Variants in NCR2 observed in about 807,000 individuals in gnomAD.
The protein encoded by NCR2 is NK cell activating receptor (NKp44).
NCR2 carries 35 observed loss-of-function variants against 30.7 expected under a neutral mutation model. That is an observed-to-expected ratio of 1.14 (90% CI 0.87 to 1.51). The LOEUF is 1.51. Among genes scored for constraint, NCR2 ranks in the 40% most tolerant of loss-of-function variants. NCR2 has a pLI of 0.00. For synonymous variants in NCR2, 146 were observed against 134.8 expected (o/e 1.08, Z -0.58); for missense variants, 316 against 328.9 (o/e 0.96, Z 0.30).
Position 41,335,906 on chromosome 6 carries a change from A to ACTG in NCR2, c.43_45dup (p.Leu15dup), listed in dbSNP as rs770304659. On this transcript the variant is annotated inframe_insertion, in exon 1 of 5. Transcript: ENST00000373089. ...CCTGGCGAGCCCTACACCCACTGCT[A>ACTG]CTGCTGCTGCTGCTGTTCCCAGGTG... 6 of 1,570,418 alleles carry ACTG rather than the reference A, an allele frequency of 3.8e-6. No individual in the cohort carries two copies. In the African/African-American group the frequency reaches 4.1e-5, roughly 11 times the overall value.
intron 4 of NCR2, among the ~76,000 whole-genome samples, chr6:41,345,993 G>A (rs1769290619): frequency 6.6e-6 from 1 of 152,078 alleles, no homozygotes; most frequent in African/African-American, 2.4e-5. Flanking sequence ...AGTGTCCTCT[G>A]TGCCCCTCAC....
At chr6:41,336,577 A>C in intron 2 of NCR2, 149 bp downstream of exon 2, 1 of 644,232 alleles carries the variant, frequency 1.6e-6, no homozygotes, top group Non-Finnish European at 2.7e-6. Flanking sequence ...GGGGGAACTC[A>C]TATGTGCACA....
At position 41,341,776 on chromosome 6, in the gene NCR2, C is replaced by A; in HGVS notation, c.395-18C>A. Reference sequence around the variant, plus strand: ...AGGTCTCCCACTCACTAACCACGCTCTTTCTCCTCCCTGGCAGCCTCTGCC... The same window carrying A: ...AGGTCTCCCACTCACTAACCACGCTATTTCTCCTCCCTGGCAGCCTCTGCC... On this transcript the variant is annotated intron_variant, in intron 2 of 4. Coordinates refer to ENST00000373089, the MANE Select transcript of NCR2 (RefSeq NM_004828.4). The A allele has an allele frequency of 6.2e-7, 1 of 1,603,070 alleles. No homozygotes were observed. The highest frequency in any genetic ancestry group is 8.5e-7 in the Non-Finnish European group (1 of 1,175,512).
At chr6:41,342,944 A>G (rs1410479159) in intron 4 of NCR2, 4 of 1,550,474 alleles carry the variant, frequency 2.6e-6, no homozygotes, top group Non-Finnish European at 2.6e-6. Flanking sequence ...CACATGCAGC[A>G]TCAAGGGAGG....
In NCR2 at chr6:41,350,850, G is replaced by T; in HGVS notation, c.817G>T (p.Glu273Ter). 1.2e-6 allele frequency: 1 copy of T among 860,836 alleles called. No individual in the cohort carries two copies. Among genetic ancestry groups the T allele is most frequent in the South Asian group, 1.4e-5 (1 of 72,760 alleles). 53.3% of individuals were successfully genotyped at this position (860,836 alleles called of 1,614,324 possible). A position where few individuals can be genotyped will look rare whatever the true frequency, so the allele number is the denominator to read the frequency against. Residue 273 changes from glutamate (E) to a stop codon, truncating the protein, a stop_gained, in exon 5 of 5, where the codon GAA becomes TAA. Transcript: ENST00000373089. LOFTEE classifies it high-confidence loss of function. ...GACTAAGATAAGCGATGATGATGAT[G>T]AACACACTTTGTGAATAATAAAATT... is the stretch of plus-strand genomic sequence containing the variant. ...ARTKISDDDD[E>*]HTL is the part of the protein sequence containing the mutation.
At chr6:41,348,542 T>G (rs778445031) in intron 4 of NCR2, among the ~76,000 whole-genome samples, 15 of 152,098 alleles carry the variant, frequency 9.9e-5, no homozygotes, top group Non-Finnish European at 2.1e-4. Flanking sequence ...ATTCAGACAC[T>G]GCTCAACTCC....
Position 41,336,256 on chromosome 6 carries a change from G to A in NCR2, c.222G>A (p.Thr74=), listed in dbSNP as rs534485510. ...IRLVTSSKPR[T]MAWTSRFTIW... ...TAGTCACCAGCTCCAAGCCCAGGAC[G>A]ATGGCTTGGACCTCTCGATTCACAA... The change falls in exon 2 of 5, where the codon ACG becomes ACA. Residue 74 remains threonine (T), a synonymous_variant. Coordinates refer to ENST00000373089, the MANE Select transcript of NCR2 (RefSeq NM_004828.4). The A allele has an allele frequency of 9.9e-6, 16 of 1,614,154 alleles. No homozygotes were observed. Among genetic ancestry groups the A allele is most frequent in the African/African-American group, 6.7e-5 (5 of 75,028 alleles).
At chr6:41,342,652 C>T (rs1769205309) in intron 4 of NCR2, among the ~76,000 whole-genome samples, 1 of 152,166 alleles carries the variant, frequency 6.6e-6, no homozygotes, top group African/African-American at 2.4e-5. Flanking sequence ...CCAGGCAAGC[C>T]CAAGTCCAGG....
In NCR2 at chr6:41,339,546, G is replaced by A. The variant is rs185307880; in HGVS notation, c.395-2248G>A. ...ACTACAGGTGCCCGCCACCATGCCC[G>A]GCTAATTTTTTTATATTTTTACTAG... On this transcript the variant is annotated intron_variant, in intron 2 of 4. Coordinates refer to ENST00000373089, the MANE Select transcript of NCR2 (RefSeq NM_004828.4). 3.6e-4 allele frequency among the ~76,000 whole-genome samples: 55 copies of A among 151,782 alleles called. No individual in the cohort carries two copies. The East Asian group carries it at 7.8e-3, about 21-fold the overall frequency.
At chr6:41,339,130 C>T (rs936923307) in intron 2 of NCR2, among the ~76,000 whole-genome samples, 6 of 152,182 alleles carry the variant, frequency 3.9e-5, no homozygotes, top group Non-Finnish European at 8.8e-5. Context: ...GGTGCAATCT[C>T]GGCTCACTGC....
At position 41,342,148 on chromosome 6, in the gene NCR2, T is replaced by G; in HGVS notation, c.643T>G (p.Trp215Gly). The G allele has an allele frequency of 2.5e-6, 4 of 1,612,444 alleles. No individual in the cohort carries two copies. The highest frequency in any genetic ancestry group is 3.4e-6 in the Non-Finnish European group (4 of 1,179,960). ...SLVLSALLVW[W>G]GDIWWKTMME... is the part of the protein sequence containing the mutation. ...GGTGCTGTCAGCCCTGCTCGTCTGG[T>G]GGTGAGTGTGGTGTGGGTTGAACTC... Residue 215 changes from tryptophan (W) to glycine (G), a missense_variant and splice_region_variant, in exon 4 of 5, where the codon TGG becomes GGG. Coordinates refer to ENST00000373089, the MANE Select transcript of NCR2 (RefSeq NM_004828.4).
intron 4 of NCR2, chr6:41,342,848 G>A: frequency 1.4e-6 from 2 of 1,394,334 alleles, no homozygotes; most frequent in Non-Finnish European, 2.0e-6. Flanking sequence ...AGGAGGGGCA[G>A]GCTTGGGGAA....
intron 4 of NCR2, among the ~76,000 whole-genome samples, chr6:41,345,042 C>G (rs1038291063): frequency 5.9e-5 from 9 of 152,182 alleles, no homozygotes; most frequent in Non-Finnish European, 1.2e-4. Flanking sequence ...TGCACACTCT[C>G]TCTCTGTGGC....
chr6:41,342,535 A>C (rs530621739), intron 4 of NCR2, among the ~76,000 whole-genome samples: 12 of 128,634 alleles, frequency 9.3e-5, no homozygotes, highest in African/African-American at 1.2e-4. Flanking sequence ...TCTTCCCTCT[A>C]CCTTTCTCCT....
In NCR2 at chr6:41,342,267, C is replaced by G; in HGVS notation, c.644+118C>G. 8 of 1,386,906 alleles carry G rather than the reference C, an allele frequency of 5.8e-6. No homozygotes were observed. In the South Asian group the frequency reaches 1.1e-4, roughly 19 times the overall value. The allele number at this position is 1,386,906 out of a possible 1,614,324, so 85.9% of individuals were successfully genotyped here. On this transcript the variant is annotated intron_variant, in intron 4 of 4. Transcript: ENST00000373089. Reference sequence around the variant, plus strand: ...GAGGTGGAAATTATAATCGGCAGAGCTCTCCAAATTAAAGCCCTCATGGAG... The same window carrying G: ...GAGGTGGAAATTATAATCGGCAGAGGTCTCCAAATTAAAGCCCTCATGGAG...
At chr6:41,345,040 C>T (rs529019947) in intron 4 of NCR2, among the ~76,000 whole-genome samples, 1 of 152,274 alleles carries the variant, frequency 6.6e-6, no homozygotes, top group Non-Finnish European at 1.5e-5. Flanking sequence ...ACTGCACACT[C>T]TCTCTCTGTG....
intron 4 of NCR2, among the ~76,000 whole-genome samples, chr6:41,344,729 C>T (rs1418189732): frequency 6.6e-6 from 1 of 152,216 alleles, no homozygotes; most frequent in Non-Finnish European, 1.5e-5. Context: ...AAGTGCCCAT[C>T]ATATCTTTTA....
intron 2 of NCR2, among the ~76,000 whole-genome samples, chr6:41,340,410 C>T (rs1410759427): frequency 1.3e-5 from 2 of 152,186 alleles, no homozygotes; most frequent in African/African-American, 4.8e-5. Flanking sequence ...GATCCACCTG[C>T]CTCGGCCTCC....
chr6:41,338,223 C>A (rs1769081663), intron 2 of NCR2, among the ~76,000 whole-genome samples: 1 of 152,176 alleles, frequency 6.6e-6, no homozygotes, highest in African/African-American at 2.4e-5. Flanking sequence ...GGAATTCTTC[C>A]TATAGATGAA....
Sources: gnomAD v4.1 joint callset for allele counts (sites outside exome capture counted in the v4.1 genomes callset) on GRCh38, gnomAD v4.1.1 for gene constraint, MANE v1.5 for transcripts, NCBI Gene and HGNC (gene_info 2026-07-23, HGNC 2026-07-21) for gene names.